The following ADCK1 variants were observed in gnomAD, a reference collection of about 807,000 sequenced individuals.
The protein encoded by ADCK1 is aarF domain containing kinase 1.
ADCK1 carries 41 observed loss-of-function variants against 52.3 expected under a neutral mutation model. That is an observed-to-expected ratio of 0.78 (90% CI 0.61 to 1.02). The LOEUF is 1.02. Among genes scored for constraint, ADCK1 ranks in the 50% least tolerant of loss-of-function variants. The probability of loss-of-function intolerance (pLI) is 0.00; values close to 1 mark genes in which losing one functional copy is unlikely to be tolerated. For missense variants in ADCK1, 658 were observed against 679.5 expected (o/e 0.97, Z 0.35); for synonymous variants, 250 against 274.6 (o/e 0.91, Z 0.89).
rs769057458 is a variant in ADCK1 at position 77,828,619 on chromosome 14, C to G, written c.219+6101C>G. On this transcript the variant is annotated intron_variant, in intron 3 of 10. Coordinates refer to ENST00000238561, the MANE Select transcript of ADCK1 (RefSeq NM_020421.4). ...GCGTGGTCTCAGCTCACTGCAACCT[C>G]TGCCTCCCGGGTTCAAGCGATTCTC... Among the ~76,000 whole-genome samples, 3 of 152,288 alleles carry G rather than the reference C, an allele frequency of 2.0e-5. No homozygotes were observed. In the East Asian group the frequency reaches 5.8e-4, roughly 29 times the overall value.
intron 3 of ADCK1, among the ~76,000 whole-genome samples, chr14:77,834,237 A>G (rs1023560258): frequency 6.6e-6 from 1 of 152,096 alleles, no homozygotes; most frequent in African/African-American, 2.4e-5. Context: ...GTGAAATTAC[A>G]GGTTTGATTT....
chr14:77,883,004 C>T (rs528638851), intron 4 of ADCK1, among the ~76,000 whole-genome samples: 94 of 140,256 alleles, frequency 6.7e-4, no homozygotes, highest in African/African-American at 2.4e-3. Flanking sequence ...ACACTTCCCC[C>T]CTTCGCACAT....
chr14:77,893,786 T>A (rs2083335202), intron 5 of ADCK1, among the ~76,000 whole-genome samples: 3 of 147,332 alleles, frequency 2.0e-5, no homozygotes, highest in South Asian at 2.1e-4. Context: ...CAAGCTGGAG[T>A]GCAGTGGTGC....
chr14:77,827,416 A>G (rs1409533474), intron 3 of ADCK1, among the ~76,000 whole-genome samples: 2 of 150,432 alleles, frequency 1.3e-5, no homozygotes, highest in Non-Finnish European at 3.0e-5. Context: ...AATTGAAGCT[A>G]GACTACTGCT....
chr14:77,893,613 G>T (rs1250558418), intron 5 of ADCK1, among the ~76,000 whole-genome samples: 1 of 152,044 alleles, frequency 6.6e-6, no homozygotes, highest in Non-Finnish European at 1.5e-5. Context: ...ATTGCTTGAT[G>T]TCATCTGGCC....
intron 1 of ADCK1, among the ~76,000 whole-genome samples, chr14:77,816,656 A>G (rs2081457493): frequency 6.6e-6 from 1 of 151,910 alleles, no homozygotes; most frequent in Non-Finnish European, 1.5e-5. Context: ...CTCCTTTATA[A>G]TAAGCCAGCA....
intron 4 of ADCK1, among the ~76,000 whole-genome samples, chr14:77,860,987 G>A (rs1170938228): frequency 6.6e-6 from 1 of 152,122 alleles, no homozygotes; most frequent in Non-Finnish European, 1.5e-5. Flanking sequence ...AAGCCAGGGT[G>A]GAGTGAGGGA....
At chr14:77,872,679 T>G (rs1057180192) in intron 4 of ADCK1, among the ~76,000 whole-genome samples, 4 of 76,482 alleles carry the variant, frequency 5.2e-5, no homozygotes, top group Non-Finnish European at 1.1e-4. Context: ...CCCCACTCCT[T>G]TTTTTTTTTT....
At chr14:77,891,501 G>A (rs974455435) in intron 5 of ADCK1, among the ~76,000 whole-genome samples, 2 of 152,166 alleles carry the variant, frequency 1.3e-5, no homozygotes, top group African/African-American at 4.8e-5. Flanking sequence ...GGCTCCCTAA[G>A]TAATGGTTGC....
At chr14:77,836,561 G>A (rs988518225) in intron 3 of ADCK1, among the ~76,000 whole-genome samples, 1 of 152,156 alleles carries the variant, frequency 6.6e-6, no homozygotes, top group African/African-American at 2.4e-5. Context: ...CACAAATTGG[G>A]TGGTTTAAGG....
At chr14:77,852,660 A>AATAAATAAATATATATATAT (rs1372819667) in intron 3 of ADCK1, among the ~76,000 whole-genome samples, 1 of 31,744 alleles carries the variant, frequency 3.2e-5, no homozygotes, top group African/African-American at 1.1e-4. Context: ...TAAATAAATA[A>AATAAATAAATATATATATAT]ATATATATAT....
chr14:77,837,837 A>G (rs910917881), intron 3 of ADCK1, among the ~76,000 whole-genome samples: 1 of 152,186 alleles, frequency 6.6e-6, no homozygotes, highest in Non-Finnish European at 1.5e-5. Context: ...GAAAATTCCC[A>G]TGTATTAACA....
At chr14:77,901,902 G>C (rs537205393) in intron 6 of ADCK1, among the ~76,000 whole-genome samples, 2 of 152,250 alleles carry the variant, frequency 1.3e-5, no homozygotes, top group African/African-American at 4.8e-5. Flanking sequence ...CTCTAGGATG[G>C]ATCACCCTTC....
intron 3 of ADCK1, among the ~76,000 whole-genome samples, chr14:77,847,931 C>G (rs892760997): frequency 6.6e-6 from 1 of 151,988 alleles, no homozygotes; most frequent in Non-Finnish European, 1.5e-5. Flanking sequence ...CCATGGTGGC[C>G]GTGTGGCCTA....
intron 4 of ADCK1, among the ~76,000 whole-genome samples, chr14:77,880,581 A>G (rs542447208): frequency 1.3e-5 from 2 of 152,348 alleles, no homozygotes; most frequent in South Asian, 4.1e-4. Context: ...GAGGCAGAGC[A>G]GCTGTTGAGT....
intron 3 of ADCK1, among the ~76,000 whole-genome samples, chr14:77,858,544 G>A (rs1326704544): frequency 6.6e-6 from 1 of 152,072 alleles, no homozygotes; most frequent in Non-Finnish European, 1.5e-5. Flanking sequence ...CTGGCCTAGT[G>A]ATTTCCTTAG....
At chr14:77,860,289 GA>G (rs1412804524) in intron 4 of ADCK1, among the ~76,000 whole-genome samples, 5 of 152,320 alleles carry the variant, frequency 3.3e-5, no homozygotes, top group African/African-American at 1.2e-4. Context: ...TACAGCTCTG[GA>G]ACAGTACCTA....
intron 5 of ADCK1, among the ~76,000 whole-genome samples, chr14:77,888,179 G>A (rs891743837): frequency 3.3e-5 from 5 of 152,224 alleles, no homozygotes; most frequent in African/African-American, 1.2e-4. Flanking sequence ...CAGCAAGATG[G>A]TGACTCTTGA....
rs1284972481 is a variant in ADCK1 at position 77,852,696 on chromosome 14, T to G, written c.220-6380T>G. On this transcript the variant is annotated intron_variant, in intron 3 of 10. Transcript: ENST00000238561. ...ATATATATATATATATATATATATA[T>G]ATATATATTTCACTCCTCATCTCTT... is the stretch of plus-strand genomic sequence containing the variant. Among the ~76,000 whole-genome samples the G allele has an allele frequency of 3.0e-5, 3 of 101,208 alleles. No homozygotes were observed. In the Middle Eastern group the frequency reaches 0.015, roughly 522 times the overall value. 66.4% of individuals were successfully genotyped at this position (101,208 alleles called of 152,430 possible). A position where few individuals can be genotyped will look rare whatever the true frequency, so the allele number is the denominator to read the frequency against.
Sources: allele counts gnomAD v4.1 joint callset (sites outside exome capture counted in the v4.1 genomes callset), GRCh38; gene constraint gnomAD v4.1.1; transcripts MANE v1.5; gene names NCBI Gene and HGNC (gene_info 2026-07-23, HGNC 2026-07-21).